ASS1: variants seen among roughly 807,000 people sequenced by gnomAD.
The protein encoded by ASS1 is argininosuccinate synthase 1, also known as argininosuccinate synthase.
Under a neutral mutation model 60.5 loss-of-function variants are expected in ASS1, and 58 were observed. The observed-to-expected ratio is 0.96, with a 90% CI of 0.78 to 1.19. ASS1 has a LOEUF of 1.19. ASS1 is among the 50% of genes most tolerant of loss of function. The probability of loss-of-function intolerance (pLI) is 0.00; values close to 1 mark genes in which losing one functional copy is unlikely to be tolerated. For synonymous variants in ASS1, 200 were observed against 206.9 expected, an observed-to-expected ratio of 0.97 and a Z score of 0.29; for missense variants, 454 against 547.3, an observed-to-expected ratio of 0.83 and a Z score of 1.70.
chr9:130,458,406 C>T lies in ASS1; in HGVS notation c.180C>T (p.Phe60=), dbSNP rs1478353987. ...CTGGGCTCCTCTTCCCGTAGGTGTT[C>T]ATTGAGGATGTCAGCAGGGAGTTTG... ...KALKLGAKKV[F]IEDVSREFVE... Residue 60 remains phenylalanine, a synonymous_variant, in exon 4 of 15, where the codon TTC becomes TTT. Coordinates refer to ENST00000352480, the MANE Select transcript of ASS1 (RefSeq NM_054012.4). The T allele has an allele frequency of 6.2e-7, 1 of 1,611,876 alleles. No homozygotes were observed. The highest frequency in any genetic ancestry group is 1.3e-5 in the African/African-American group (1 of 74,842).
intron 2 of ASS1, among the ~76,000 whole-genome samples, chr9:130,452,692 A>G (rs984549489): frequency 6.6e-6 from 1 of 152,192 alleles, no homozygotes; most frequent in Non-Finnish European, 1.5e-5. Flanking sequence ...TCCCATCTCC[A>G]GAGTATGCTG....
At chr9:130,475,454 A>T (rs112949308) in intron 8 of ASS1, among the ~76,000 whole-genome samples, 4,736 of 152,336 alleles carry the variant, frequency 0.031, 86 homozygotes, top group Non-Finnish European at 0.05. Context: ...AGCTTCCCCA[A>T]GGCCCCCCAG....
rs73657383 is a variant in ASS1, at chr9:130,449,766, A to G, written c.-5-2458A>G. Reference sequence around the variant, plus strand: ...GATGGAAGGGCTTAGCCTAAGACGGACATGTCTATTCCCTTGATTGTGGTG... The same window carrying G: ...GATGGAAGGGCTTAGCCTAAGACGGGCATGTCTATTCCCTTGATTGTGGTG... On this transcript the variant is annotated intron_variant, in intron 1 of 14. Coordinates refer to ENST00000352480, the MANE Select transcript of ASS1 (RefSeq NM_054012.4). Among the ~76,000 whole-genome samples the G allele has an allele frequency of 7.8e-3, 1,182 of 152,294 alleles. 28 individuals carry two copies. Among genetic ancestry groups the G allele is most frequent in the African/African-American group, 0.027 (1,109 of 41,552 alleles).
At chr9:130,451,870 G>A in intron 1 of ASS1, 1 of 489,138 alleles carries the variant, frequency 2.0e-6, no homozygotes, top group South Asian at 1.5e-5. Flanking sequence ...CACATCTCCT[G>A]CCTGCGTGCA....
rs562089940 is a variant in ASS1, at chr9:130,491,192, A to G, written c.970+1728A>G. ...CAAGTTTCTGCCCCCGTTCCCAGGGACAGACAGGTGCTTAAATACCATTGT... is the reference window on the plus strand; with the variant it reads ...CAAGTTTCTGCCCCCGTTCCCAGGGGCAGACAGGTGCTTAAATACCATTGT... On this transcript the variant is annotated intron_variant, in intron 12 of 14. Coordinates refer to ENST00000352480, the MANE Select transcript of ASS1 (RefSeq NM_054012.4). The surrounding 1 kb of genome is among the most constrained non-coding windows in gnomAD (Gnocchi z 5.3). Among the ~76,000 whole-genome samples, 2 of 152,172 alleles carry G rather than the reference A, an allele frequency of 1.3e-5. No individual in the cohort carries two copies. Among genetic ancestry groups the G allele is most frequent in the African/African-American group, 4.8e-5 (2 of 41,420 alleles).
intron 12 of ASS1, among the ~76,000 whole-genome samples, chr9:130,490,278 G>T (rs1173039208): frequency 1.3e-5 from 2 of 152,208 alleles, no homozygotes; most frequent in Non-Finnish European, 2.9e-5. Context: ...CAGCTCATGA[G>T]CTAAGAATAG....
At chr9:130,451,987 C>T (rs1845338044) in intron 1 of ASS1, 1 of 661,794 alleles carries the variant, frequency 1.5e-6, no homozygotes, top group African/African-American at 1.8e-5. Flanking sequence ...CCTAGGACTG[C>T]AGTCAGCATT....
At chr9:130,493,693 C>A (rs1018725515) in intron 12 of ASS1, among the ~76,000 whole-genome samples, 6 of 152,186 alleles carry the variant, frequency 3.9e-5, no homozygotes, top group African/African-American at 7.2e-5. Context: ...GTGGGCTCAC[C>A]TTCCAGGCTC....
chr9:130,480,045 C>T (rs763889078), intron 10 of ASS1: 34 of 690,326 alleles, frequency 4.9e-5, no homozygotes, highest in Middle Eastern at 3.2e-4. Context: ...ATCATTAGGC[C>T]GGGGCTCTCA....
In ASS1 at chr9:130,466,757, C is replaced by T; in HGVS notation, c.453C>T (p.Tyr151=). ...CTCCCTGGAGGATGCCTGAATTCTA[C>T]AACCGGTTCAAGGGCCGCAATGACC... The part of the protein sequence containing the change: ...VIAPWRMPEF[Y]NRFKGRNDLM... The change falls in exon 6 of 15, where the codon TAC becomes TAT. Residue 151 remains tyrosine, a synonymous_variant. Transcript: ENST00000352480. 6 of 1,614,164 alleles carry T rather than the reference C, an allele frequency of 3.7e-6. No individual in the cohort carries two copies. Among genetic ancestry groups the T allele is most frequent in the Non-Finnish European group, 4.2e-6 (5 of 1,180,026 alleles).
chr9:130,454,494 T>A, intron 3 of ASS1, 121 bp downstream of exon 3: 2 of 1,101,612 alleles, frequency 1.8e-6, no homozygotes, highest in Non-Finnish European at 2.7e-6. Context: ...TCTAAGAGTA[T>A]GAGATCATCC....
At chr9:130,454,994 TCATC>T (rs1279361897) in intron 3 of ASS1, among the ~76,000 whole-genome samples, 4 of 142,274 alleles carry the variant, frequency 2.8e-5, no homozygotes, top group Admixed American at 7.0e-5. Flanking sequence ...CATTCATCCA[TCATC>T]CATCCATCCA....
chr9:130,445,407 C>T (rs576568784), intron 1 of ASS1, among the ~76,000 whole-genome samples: 5 of 152,366 alleles, frequency 3.3e-5, no homozygotes, highest in African/African-American at 1.2e-4. Flanking sequence ...TTCTCTCTCC[C>T]TCTCTCGGAC....
rs1474031975 is a variant in ASS1 at position 130,489,492 on chromosome 9, C to T, written c.970+28C>T. ...GCGTAAGACTCTATGGCTGCCCCCTCTAACCGCCTCACAAGGGATCCCAAA... is the reference window on the plus strand; with the variant it reads ...GCGTAAGACTCTATGGCTGCCCCCTTTAACCGCCTCACAAGGGATCCCAAA... On this transcript the variant is annotated intron_variant, in intron 12 of 14. Transcript: ENST00000352480. This position sits in a 1 kb window ranked among gnomAD's most constrained non-coding sequence, Gnocchi z 4.1. The T allele has an allele frequency of 6.2e-7, 1 of 1,613,968 alleles. No homozygotes were observed. Among genetic ancestry groups the T allele is most frequent in the East Asian group, 2.2e-5 (1 of 44,868 alleles).
In ASS1 at chr9:130,470,464, C is replaced by T. The variant is rs546440065; in HGVS notation, c.496-370C>T. On this transcript the variant is annotated intron_variant, in intron 6 of 14. Coordinates refer to ENST00000352480, the MANE Select transcript of ASS1 (RefSeq NM_054012.4). The surrounding 1 kb of genome is among the most constrained non-coding windows in gnomAD (Gnocchi z 4.3). ...CAGGTGCCCCGGTCCACAGTGCGAGCGGGTTCACACAAGCCCCAGCTCGTA... is the reference window on the plus strand; with the variant it reads ...CAGGTGCCCCGGTCCACAGTGCGAGTGGGTTCACACAAGCCCCAGCTCGTA... Among the ~76,000 whole-genome samples, 20 of 152,290 alleles carry T rather than the reference C, an allele frequency of 1.3e-4. No individual in the cohort carries two copies. In the South Asian group the frequency reaches 2.7e-3, roughly 21 times the overall value.
intron 1 of ASS1, chr9:130,445,307 C>G: frequency 1.1e-6 from 1 of 891,486 alleles, no homozygotes; most frequent in Non-Finnish European, 1.3e-6. Context: ...CGGGTCCTTT[C>G]TGGACTCCTT....
intron 3 of ASS1, among the ~76,000 whole-genome samples, chr9:130,457,108 T>G (rs952558330): frequency 1.3e-5 from 2 of 152,236 alleles, no homozygotes; most frequent in Non-Finnish European, 2.9e-5. Context: ...CTTATTGGCT[T>G]CCATTTTTGC....
chr9:130,474,071 C>A (rs1457130214), intron 8 of ASS1, among the ~76,000 whole-genome samples: 3 of 127,862 alleles, frequency 2.3e-5, no homozygotes, highest in East Asian at 2.2e-4. Context: ...CACCCCCCCC[C>A]CCCCACAGAT....
intron 2 of ASS1, among the ~76,000 whole-genome samples, chr9:130,453,358 A>T (rs1178347275): frequency 6.6e-6 from 1 of 152,260 alleles, no homozygotes; most frequent in Non-Finnish European, 1.5e-5. Flanking sequence ...TGGACAGACA[A>T]AACTTAGCTC....
Sources: gnomAD v4.1 joint callset for allele counts (sites outside exome capture counted in the v4.1 genomes callset) on GRCh38, gnomAD v4.1.1 for gene constraint, Gnocchi (gnomAD v3.1) non-coding constraint, MANE v1.5 for transcripts, NCBI Gene and HGNC (gene_info 2026-07-23, HGNC 2026-07-21) for gene names.